IGSF11: variants seen among roughly 807,000 people sequenced by gnomAD.
IGSF11 encodes immunoglobulin superfamily member 11.
Under a neutral mutation model 41.0 loss-of-function variants are expected in IGSF11, and 22 were observed. The observed-to-expected ratio is 0.54, with a 90% CI of 0.38 to 0.77. IGSF11 has a LOEUF of 0.77. Ranked by LOEUF, IGSF11 falls within the 30% of genes least tolerant of loss-of-function variation. IGSF11 has a pLI of 0.00. For synonymous variants in IGSF11, 219 were observed against 201.3 expected (o/e 1.09, Z -0.74); for missense variants, 444 against 530.8 (o/e 0.84, Z 1.61).
At position 119,004,713 on chromosome 3, in the gene IGSF11, G is replaced by C. The variant is rs1052662957; in HGVS notation, c.52+29818C>G. Among the ~76,000 whole-genome samples the C allele has an allele frequency of 1.8e-3, 259 of 147,452 alleles. 2 individuals are homozygous for C. Among genetic ancestry groups the C allele is most frequent in the African/African-American group, 5.5e-3 (214 of 39,116 alleles). ...ACATCTTTATTTCTGCCTTCATTTC[G>C]TTATGTACCCAGTAGTCATTCAGGA... is the stretch of plus-strand genomic sequence containing the variant. On this transcript the variant is annotated intron_variant, in intron 1 of 6. Coordinates refer to ENST00000393775, the MANE Select transcript of IGSF11 (RefSeq NM_001015887.3).
intron 1 of IGSF11, among the ~76,000 whole-genome samples, chr3:119,141,065 A>G (rs2077641835): frequency 6.8e-6 from 1 of 147,590 alleles, no homozygotes; most frequent in African/African-American, 2.5e-5. Flanking sequence ...AAAAAAATAC[A>G]AAATATATTC....
chr3:119,127,272 A>G (rs2077416245), intron 1 of IGSF11, among the ~76,000 whole-genome samples: 1 of 151,992 alleles, frequency 6.6e-6, no homozygotes, highest in Non-Finnish European at 1.5e-5. Flanking sequence ...AGCGGAAGAA[A>G]GGATATCAGT....
chr3:118,945,560 C>T (rs1944061109), intron 1 of IGSF11, among the ~76,000 whole-genome samples: 1 of 152,060 alleles, frequency 6.6e-6, no homozygotes, highest in Non-Finnish European at 1.5e-5. Flanking sequence ...CTAAATGAAA[C>T]CACAGAGTGC....
At chr3:118,924,844 T>TA (rs1289203382) in intron 4 of IGSF11, among the ~76,000 whole-genome samples, 10 of 151,816 alleles carry the variant, frequency 6.6e-5, no homozygotes, top group African/African-American at 1.2e-4. Context: ...TATTTTTGTT[T>TA]AAAAAAAAGC....
intron 1 of IGSF11, among the ~76,000 whole-genome samples, chr3:119,067,650 C>CT (rs1942273925): frequency 2.6e-5 from 4 of 152,094 alleles, no homozygotes; most frequent in African/African-American, 7.2e-5. Flanking sequence ...TTTTTTTAGA[C>CT]ATGCATCTAA....
At chr3:119,068,779 C>T (rs1188084634) in intron 1 of IGSF11, among the ~76,000 whole-genome samples, 1 of 151,994 alleles carries the variant, frequency 6.6e-6, no homozygotes. Flanking sequence ...TTTAAAATAG[C>T]TTCATACTGA....
intron 1 of IGSF11, among the ~76,000 whole-genome samples, chr3:118,992,262 T>C (rs974347291): frequency 2.6e-5 from 4 of 152,190 alleles, no homozygotes; most frequent in Non-Finnish European, 5.9e-5. Context: ...AAAACTCACG[T>C]AGCAGACATA....
At chr3:119,044,208 AG>A (rs2107750693) in intron 1 of IGSF11, among the ~76,000 whole-genome samples, 1 of 152,342 alleles carries the variant, frequency 6.6e-6, no homozygotes, top group South Asian at 2.1e-4. Context: ...GACATCATAA[AG>A]AAAAGACAAT....
In IGSF11 at chr3:118,905,612, A is replaced by G; in HGVS notation, c.687T>C (p.Asp229=). ...NAIGTSTCLL[D]LQVISPQPRN... is the part of the protein sequence containing the mutation. ...TATGCTTACGTGAAATAACCTGGAG[A>G]TCCAGAAGACAGGTGCTGGTTCCAA... Residue 229 remains aspartate, a synonymous_variant, in exon 5 of 7, where the codon GAT becomes GAC. Coordinates refer to ENST00000393775, the MANE Select transcript of IGSF11 (RefSeq NM_001015887.3). The G allele has an allele frequency of 6.2e-7, 1 of 1,613,906 alleles. No individual in the cohort carries two copies. The highest frequency in any genetic ancestry group is 8.5e-7 in the Non-Finnish European group (1 of 1,179,822).
At chr3:119,105,462 GA>G (rs1235226010), upstream of IGSF11, among the ~76,000 whole-genome samples, 1 of 152,040 alleles carries the variant, frequency 6.6e-6, no homozygotes, top group Non-Finnish European at 1.5e-5. Context: ...TATCAAGATG[GA>G]TCAGGGTAAT....
intron 1 of IGSF11, among the ~76,000 whole-genome samples, chr3:118,968,669 C>G (rs1398912312): frequency 6.6e-6 from 1 of 152,184 alleles, no homozygotes; most frequent in African/African-American, 2.4e-5. Context: ...TAACTTTGAG[C>G]AAGTGTTAAC....
intron 1 of IGSF11, among the ~76,000 whole-genome samples, chr3:119,058,600 T>C (rs1056424868): frequency 6.6e-6 from 1 of 152,198 alleles, no homozygotes; most frequent in Admixed American, 6.5e-5. Flanking sequence ...GAAATACCAT[T>C]TGACCCAGCC....
At chr3:118,994,749 A>C (rs1348815248) in intron 1 of IGSF11, among the ~76,000 whole-genome samples, 1 of 152,248 alleles carries the variant, frequency 6.6e-6, no homozygotes, top group Non-Finnish European at 1.5e-5. Context: ...GTTCCAGTTC[A>C]GTATACCATG....
At chr3:119,050,487 C>T (rs1384741947) in intron 1 of IGSF11, among the ~76,000 whole-genome samples, 1 of 151,772 alleles carries the variant, frequency 6.6e-6, no homozygotes, top group East Asian at 1.9e-4. Context: ...ATTAAAAAGT[C>T]AGGAAACAAC....
intron 1 of IGSF11, among the ~76,000 whole-genome samples, chr3:119,065,180 T>G (rs1240043246): frequency 1.3e-5 from 2 of 152,236 alleles, no homozygotes; most frequent in Non-Finnish European, 2.9e-5. Flanking sequence ...CATTCCATTT[T>G]ATTGTTAAGT....
chr3:119,034,928 C>T, upstream of IGSF11: 2 of 833,296 alleles, frequency 2.4e-6, no homozygotes, highest in Non-Finnish European at 3.0e-6. Flanking sequence ...CTCCTCGCCG[C>T]GCCGCCCACT....
At chr3:119,005,469 A>T (rs1336672055) in intron 1 of IGSF11, among the ~76,000 whole-genome samples, 1 of 149,784 alleles carries the variant, frequency 6.7e-6, no homozygotes, top group Non-Finnish European at 1.5e-5. Context: ...TTACATTTAA[A>T]GTTAATAGTG....
At chr3:118,969,479 CG>C (rs147591359) in intron 1 of IGSF11, among the ~76,000 whole-genome samples, 24 of 152,190 alleles carry the variant, frequency 1.6e-4, no homozygotes, top group African/African-American at 5.8e-4. Flanking sequence ...AACAATGAAG[CG>C]GACACAGAGT....
upstream of IGSF11, among the ~76,000 whole-genome samples, chr3:119,109,148 A>G (rs2077093404): frequency 7.2e-6 from 1 of 139,196 alleles, no homozygotes; most frequent in Non-Finnish European, 1.6e-5. Flanking sequence ...TGATTGGAAT[A>G]GTTTCAGAAG....
Sources: gnomAD v4.1 joint callset for allele counts (sites outside exome capture counted in the v4.1 genomes callset) on GRCh38, gnomAD v4.1.1 for gene constraint, MANE v1.5 for transcripts, NCBI Gene and HGNC (gene_info 2026-07-23, HGNC 2026-07-21) for gene names.